Variants in DLG5 observed in about 807,000 individuals in gnomAD.
DLG5 encodes the protein discs large MAGUK scaffold protein 5, also known as disks large homolog 5.
DLG5 carries 48 observed loss-of-function variants against 189.8 expected under a neutral mutation model. The observed-to-expected ratio is 0.25, with a 90% CI of 0.20 to 0.32. The LOEUF is 0.32. Among genes scored for constraint, DLG5 ranks in the 10% least tolerant of loss-of-function variants. DLG5 has a pLI of 1.00. For synonymous variants in DLG5, 1,016 were observed against 1,054.1 expected (o/e 0.96, Z 0.70); for missense variants, 2,160 against 2,544.7 (o/e 0.85, Z 3.25).
intron 1 of DLG5, among the ~76,000 whole-genome samples, chr10:77,875,464 C>G (rs1163580026): frequency 6.6e-6 from 1 of 152,086 alleles, no homozygotes; most frequent in Non-Finnish European, 1.5e-5. Flanking sequence ...AGACAACACT[C>G]AATAGGCATT....
Position 77,854,242 on chromosome 10 carries a change from T to G in DLG5, c.665A>C (p.Glu222Ala). 6.2e-7 allele frequency: 1 copy of G among 1,614,146 alleles called. No homozygotes were observed. Among genetic ancestry groups the G allele is most frequent in the Non-Finnish European group, 8.5e-7 (1 of 1,180,014 alleles). ...CCTCACTCACTGGTAGAAGTCAGTC[T>G]CCTTGGCCACCTCCTCACACCTCTT... is the stretch of plus-strand genomic sequence containing the variant. The part of the protein sequence containing the change: ...ALKRCEEVAK[E>A]TDFYHTLHSR... Residue 222 changes from glutamate (E) to alanine (A), a missense_variant, in exon 4 of 32, where the codon GAG becomes GCG. Physicochemically the swap from Glu to Ala is moderately radical, Grantham distance 107. Around this residue, in one of 5 missense-constraint regions of DLG5, gnomAD observed 664 missense variants for 838.5 expected, o/e 0.79. Transcript: ENST00000372391.
intron 1 of DLG5, among the ~76,000 whole-genome samples, chr10:77,878,962 T>C (rs903963429): frequency 2.0e-5 from 3 of 152,152 alleles, no homozygotes; most frequent in African/African-American, 7.2e-5. Context: ...CGCCAAACGC[T>C]GGGTTAATGC....
At chr10:77,888,605 G>C (rs1308640175) in intron 1 of DLG5, among the ~76,000 whole-genome samples, 1 of 152,128 alleles carries the variant, frequency 6.6e-6, no homozygotes, top group Non-Finnish European at 1.5e-5. Flanking sequence ...TTCATTATAA[G>C]TCCATTCACT....
chr10:77,835,755 T>C lies in DLG5; in HGVS notation c.1605A>G (p.Ala535=). 1.2e-6 allele frequency: 2 copies of C among 1,612,556 alleles called. No homozygotes were observed. Among genetic ancestry groups the C allele is most frequent in the South Asian group, 1.1e-5 (1 of 91,058 alleles). The change falls in exon 8 of 32, where the codon GCA becomes GCG. Residue 535 remains alanine (A), a synonymous_variant. Transcript: ENST00000372391. ...WAFQERDKIV[A]ERDSIRTLCD... The stretch of plus-strand genomic sequence containing the variant: ...CCCCATACCGGATGCTGTCACGCTC[T>C]GCTACAATCTTGTCTCGCTCCTGGA...
intron 1 of DLG5, among the ~76,000 whole-genome samples, chr10:77,878,339 A>C (rs568822342): frequency 1.5e-4 from 23 of 152,240 alleles, no homozygotes; most frequent in Non-Finnish European, 2.9e-4. Flanking sequence ...TGATGAGAAC[A>C]GAATGAGCAA....
At chr10:77,890,769 G>A (rs926100383) in intron 1 of DLG5, among the ~76,000 whole-genome samples, 6 of 152,140 alleles carry the variant, frequency 3.9e-5, no homozygotes, top group South Asian at 4.1e-4. Context: ...GAATATCAGC[G>A]AGTGCCACCT....
chr10:77,853,377 C>T lies in DLG5; in HGVS notation c.841G>A (p.Asp281Asn). 1 of 1,583,718 alleles carries T rather than the reference C, an allele frequency of 6.3e-7. No individual in the cohort carries two copies. Among genetic ancestry groups the T allele is most frequent in the Non-Finnish European group, 8.6e-7 (1 of 1,162,352 alleles). Reference sequence around the variant, plus strand: ...ACCTGCTGCTGCTGGGCACGGAGGTCACCGATCTCCTTCTGGTCCTCCTCG... The same window carrying T: ...ACCTGCTGCTGCTGGGCACGGAGGTTACCGATCTCCTTCTGGTCCTCCTCG... ...LHEEDQKEIG[D>N]LRAQQQQVLK... Residue 281 changes from aspartate to asparagine, a missense_variant, in exon 5 of 32, where the codon GAC becomes AAC. Asp to Asn is a conservative substitution (Grantham distance 23). Transcript: ENST00000372391.
intron 19 of DLG5, 107 bp downstream of exon 19, chr10:77,816,896 TACTG>T: frequency 2.8e-6 from 4 of 1,425,726 alleles, no homozygotes; most frequent in Non-Finnish European, 3.9e-6. Context: ...AGTGAATTTT[TACTG>T]ACTGACTGAG....
intron 1 of DLG5, among the ~76,000 whole-genome samples, chr10:77,905,102 C>A (rs1846035096): frequency 6.8e-6 from 1 of 146,634 alleles, no homozygotes; most frequent in Non-Finnish European, 1.5e-5. Context: ...GCACTCTAGC[C>A]TGGGCGACAA....
At chr10:77,892,753 G>A (rs1845647999) in intron 1 of DLG5, among the ~76,000 whole-genome samples, 1 of 152,214 alleles carries the variant, frequency 6.6e-6, no homozygotes, top group South Asian at 2.1e-4. Flanking sequence ...ATAAAGGATT[G>A]CTGAATTTCA....
In DLG5 at chr10:77,792,955, C is replaced by T. The variant is rs557948967; in HGVS notation, c.5657-412G>A. On this transcript the variant is annotated intron_variant, in intron 31 of 31. Transcript: ENST00000372391. ...ATGATGGCGCCAACTTGGGCCAGCC[C>T]TGTACTATAGGAGTTTGACAAAGGG... 80 of 226,814 alleles carry T rather than the reference C, an allele frequency of 3.5e-4. No individual in the cohort carries two copies. The South Asian group carries it at 5.6e-3, about 16-fold the overall frequency. The allele number at this position is 226,814 out of a possible 1,614,324, so 14.1% of individuals were successfully genotyped here.
chr10:77,839,784 A>G (rs1490673698), intron 7 of DLG5, among the ~76,000 whole-genome samples: 2 of 152,166 alleles, frequency 1.3e-5, no homozygotes, highest in Non-Finnish European at 2.9e-5. Flanking sequence ...AATTTATTCT[A>G]ATAAGCTTTT....
intron 1 of DLG5, 143 bp from the exon 2 acceptor site, chr10:77,869,340 G>T: frequency 1.4e-6 from 1 of 731,580 alleles, no homozygotes; most frequent in African/African-American, 1.8e-5. Flanking sequence ...CCAAGCAGAG[G>T]AGGCGCGCTC....
chr10:77,881,895 C>T (rs1589250013), intron 1 of DLG5, among the ~76,000 whole-genome samples: 1 of 152,146 alleles, frequency 6.6e-6, no homozygotes, highest in South Asian at 2.1e-4. Context: ...CTTCACAGGT[C>T]GGGGACATTC....
chr10:77,870,686 G>GA (rs1180586558), intron 1 of DLG5, among the ~76,000 whole-genome samples: 40 of 140,240 alleles, frequency 2.9e-4, no homozygotes, highest in Middle Eastern at 7.3e-3. Context: ...TCCTGTCTCA[G>GA]AAAAAAAAAA....
upstream of DLG5, among the ~76,000 whole-genome samples, chr10:77,930,119 A>G (rs145706608): frequency 4.1e-3 from 626 of 152,040 alleles, 2 homozygotes; most frequent in African/African-American, 0.014. Context: ...GCACACACGC[A>G]CTCACACACA....
intron 1 of DLG5, 160 bp from the exon 2 acceptor site, chr10:77,869,357 T>A: frequency 1.5e-6 from 1 of 656,588 alleles, no homozygotes. Context: ...GCTCAGCAGA[T>A]CTGGACTTCG....
chr10:77,910,273 C>T (rs987570949), intron 1 of DLG5, among the ~76,000 whole-genome samples: 5 of 152,218 alleles, frequency 3.3e-5, no homozygotes, highest in Admixed American at 2.0e-4. Flanking sequence ...CTGACAAGGA[C>T]TCCAGGGCTT....
chr10:77,840,692 C>CT (rs1322433693), intron 7 of DLG5, among the ~76,000 whole-genome samples: 1 of 152,132 alleles, frequency 6.6e-6, no homozygotes, highest in Non-Finnish European at 1.5e-5. Context: ...GCACTTCAGG[C>CT]TGGGCAACAC....
Sources: allele counts gnomAD v4.1 joint callset (sites outside exome capture counted in the v4.1 genomes callset), GRCh38; gene constraint gnomAD v4.1.1; regional missense constraint gnomAD v4.1.1; transcripts MANE v1.5; gene names NCBI Gene and HGNC (gene_info 2026-07-23, HGNC 2026-07-21).